The following WASF2 variants were observed in gnomAD, a reference collection of about 807,000 sequenced individuals.
WASF2 encodes the protein actin-binding protein WASF2.
In WASF2, 14 loss-of-function variants were observed where a neutral mutation model predicts 45.0. That is an observed-to-expected ratio of 0.31 (90% CI 0.21 to 0.49). The LOEUF (loss-of-function observed/expected upper bound fraction) is 0.49. WASF2 is among the 20% of genes least tolerant of loss of function. The pLI is 0.99. For missense variants in WASF2, 439 were observed against 636.1 expected (o/e 0.69, Z 3.33); for synonymous variants, 200 against 236.3 (o/e 0.85, Z 1.41).
At chr1:27,435,015 C>T (rs946747367) in intron 1 of WASF2, among the ~76,000 whole-genome samples, 4 of 152,134 alleles carry the variant, frequency 2.6e-5, no homozygotes, top group East Asian at 3.9e-4. Flanking sequence ...GGCACAATCT[C>T]GGCTCACCAC....
intron 1 of WASF2, among the ~76,000 whole-genome samples, chr1:27,454,183 A>ATTTTTTTT (rs2017433113): frequency 3.5e-4 from 3 of 8,482 alleles, no homozygotes; most frequent in African/African-American, 9.0e-4. Context: ...ATATATATAT[A>ATTTTTTTT]TATATTTTTT....
intron 1 of WASF2, among the ~76,000 whole-genome samples, chr1:27,451,494 T>C (rs1419805480): frequency 2.0e-5 from 3 of 152,170 alleles, no homozygotes; most frequent in Admixed American, 6.6e-5. Context: ...ACAGAGAGCC[T>C]TGTATGCCGG....
intron 5 of WASF2, among the ~76,000 whole-genome samples, chr1:27,415,164 C>A (rs1337463015): frequency 1.3e-5 from 2 of 152,182 alleles, no homozygotes; most frequent in African/African-American, 4.8e-5. Flanking sequence ...AACATTTGCT[C>A]AATCCCACAC....
chr1:27,467,161 T>C (rs2017623826), intron 1 of WASF2, among the ~76,000 whole-genome samples: 1 of 143,390 alleles, frequency 7.0e-6, no homozygotes, highest in South Asian at 2.1e-4. Context: ...TTGCAGTGAG[T>C]CGAGATAATG....
At chr1:27,408,429 A>G in intron 8 of WASF2, 83 bp from the exon 9 acceptor site, 1 of 1,551,508 alleles carries the variant, frequency 6.4e-7, no homozygotes, top group Admixed American at 1.9e-5. Flanking sequence ...GGGAGTGGCC[A>G]CCAATGGGTA....
At chr1:27,424,204 A>G (rs1296824473) in intron 2 of WASF2, among the ~76,000 whole-genome samples, 1 of 152,184 alleles carries the variant, frequency 6.6e-6, no homozygotes, top group East Asian at 1.9e-4. Context: ...ACATGAGGCC[A>G]AGGTCATGAG....
Position 27,419,039 on chromosome 1 carries a change from G to C in WASF2, c.180C>G (p.Thr60=), listed in dbSNP as rs2016865595. 3 of 1,613,938 alleles carry C rather than the reference G, an allele frequency of 1.9e-6. No individual in the cohort carries two copies. Among genetic ancestry groups the C allele is most frequent in the Non-Finnish European group, 2.5e-6 (3 of 1,179,908 alleles). The part of the protein sequence containing the change: ...IFGELFTQAN[T]FASRVSSLAE... Reference sequence around the variant, plus strand: ...CAAGGGAGCTTACCCGAGAGGCAAAGGTATTTGCCTGAGTAAAGAGCTCTC... The same window carrying C: ...CAAGGGAGCTTACCCGAGAGGCAAACGTATTTGCCTGAGTAAAGAGCTCTC... The change falls in exon 3 of 9, where the codon ACC becomes ACG. Residue 60 remains threonine (T), a synonymous_variant. Transcript: ENST00000618852.
intron 1 of WASF2, among the ~76,000 whole-genome samples, chr1:27,485,301 G>T (rs1417297628): frequency 6.6e-6 from 1 of 152,104 alleles, no homozygotes; most frequent in Non-Finnish European, 1.5e-5. Context: ...AGAGGTGGGG[G>T]CAGGGCATGA....
At position 27,410,199 on chromosome 1, in the gene WASF2, C is replaced by T. The variant is rs762687623; in HGVS notation, c.832G>A (p.Val278Met). ...PPPPAEFSYP[V>M]DNQRGSGLAG... The stretch of plus-strand genomic sequence containing the variant: ...AAACCAGATCCTCTTTGGTTGTCCA[C>T]TGGGTAACTAAAAGGCCAAAGAAAA... The change falls in exon 8 of 9, where the codon GTG becomes ATG. Residue 278 changes from valine (V) to methionine (M), a missense_variant. Physicochemically the swap from Val to Met is conservative, Grantham distance 21. This residue lies in a region of WASF2 where 286 missense variants were observed against 373.5 expected (regional missense o/e 0.77). Transcript: ENST00000618852. The surrounding 1 kb of genome is among the most constrained non-coding windows in gnomAD (Gnocchi z 4.2). 1.2e-6 allele frequency: 2 copies of T among 1,613,954 alleles called. No homozygotes were observed. Among genetic ancestry groups the T allele is most frequent in the South Asian group, 1.1e-5 (1 of 91,074 alleles).
chr1:27,475,680 T>C (rs763834326), intron 1 of WASF2, among the ~76,000 whole-genome samples: 14 of 152,174 alleles, frequency 9.2e-5, no homozygotes, highest in Non-Finnish European at 1.9e-4. Context: ...CAGGCTGGAG[T>C]GCAGTGGCAT....
chr1:27,456,896 C>G (rs558904605), intron 1 of WASF2, among the ~76,000 whole-genome samples: 1 of 152,064 alleles, frequency 6.6e-6, no homozygotes, highest in Non-Finnish European at 1.5e-5. Context: ...TCCGCCGCCA[C>G]GCCCGGCAAT....
chr1:27,473,534 G>C (rs2017723175), intron 1 of WASF2, among the ~76,000 whole-genome samples: 2 of 151,380 alleles, frequency 1.3e-5, no homozygotes, highest in Non-Finnish European at 2.9e-5. Flanking sequence ...GGAGGAAAGA[G>C]GGGTATTGGA....
intron 5 of WASF2, 50 bp from the exon 6 acceptor site, chr1:27,415,013 T>G (rs746692564): frequency 4.4e-6 from 7 of 1,602,110 alleles, no homozygotes; most frequent in Non-Finnish European, 6.0e-6. Context: ...TTCCAAGTTC[T>G]TCATTAAAAT....
intron 2 of WASF2, among the ~76,000 whole-genome samples, chr1:27,423,914 C>T (rs2016942458): frequency 6.6e-6 from 1 of 152,034 alleles, no homozygotes; most frequent in African/African-American, 2.4e-5. Flanking sequence ...CAGTTAGAAA[C>T]CCAATATCTA....
At chr1:27,437,019 C>T (rs1200429929) in intron 1 of WASF2, among the ~76,000 whole-genome samples, 1 of 152,182 alleles carries the variant, frequency 6.6e-6, no homozygotes, top group Non-Finnish European at 1.5e-5. Context: ...CTTCTAAACT[C>T]CAGTATCTTA....
intron 1 of WASF2, among the ~76,000 whole-genome samples, chr1:27,454,187 A>ATATTT (rs1469446976): frequency 7.8e-4 from 10 of 12,776 alleles, no homozygotes; most frequent in African/African-American, 1.7e-3. Flanking sequence ...ATATATATAT[A>ATATTT]TTTTTTTTTT....
intron 1 of WASF2, among the ~76,000 whole-genome samples, chr1:27,453,768 G>A (rs2017417668): frequency 6.6e-6 from 1 of 151,788 alleles, no homozygotes; most frequent in Non-Finnish European, 1.5e-5. Context: ...GCACATGCCT[G>A]TAATCCCAGC....
intron 1 of WASF2, among the ~76,000 whole-genome samples, chr1:27,454,578 T>G (rs1038794293): frequency 6.6e-6 from 1 of 152,076 alleles, no homozygotes; most frequent in South Asian, 2.1e-4. Context: ...GCTCAAGGGA[T>G]CCTCCCGCCT....
intron 7 of WASF2, 75 bp downstream of exon 7, chr1:27,412,497 C>T (rs2016773737): frequency 6.3e-7 from 1 of 1,586,196 alleles, no homozygotes; most frequent in Non-Finnish European, 8.6e-7. Flanking sequence ...AGGCGTGAGC[C>T]ACTGCTCCTG....
Sources: allele counts gnomAD v4.1 joint callset (sites outside exome capture counted in the v4.1 genomes callset), GRCh38; gene constraint gnomAD v4.1.1; regional missense constraint gnomAD v4.1.1; non-coding constraint Gnocchi (gnomAD v3.1); transcripts MANE v1.5; gene names NCBI Gene and HGNC (gene_info 2026-07-23, HGNC 2026-07-21).